The following MAST4 variants were observed in gnomAD, a reference collection of about 807,000 sequenced individuals.
MAST4 encodes the protein microtubule associated serine/threonine kinase family member 4.
MAST4 carries 89 observed loss-of-function variants against 162.7 expected under a neutral mutation model. The observed-to-expected ratio is 0.55, with a 90% confidence interval of 0.46 to 0.65. The LOEUF (loss-of-function observed/expected upper bound fraction) is 0.65. Ranked by LOEUF, MAST4 falls within the 30% of genes least tolerant of loss-of-function variation. The pLI, the probability that MAST4 is intolerant of heterozygous loss-of-function variation, is 0.00. For missense variants in MAST4, 3,153 were observed against 3,374.0 expected (o/e 0.93, Z 1.62); for synonymous variants, 1,479 against 1,361.1 (o/e 1.09, Z -1.91).
intron 1 of MAST4, among the ~76,000 whole-genome samples, chr5:66,758,429 T>C (rs187319709): frequency 6.6e-6 from 1 of 151,996 alleles, no homozygotes; most frequent in African/African-American, 2.4e-5. Flanking sequence ...TTTTTATTTA[T>C]TTTTTGAGAT....
chr5:66,864,866 T>C (rs1417270511), intron 3 of MAST4, among the ~76,000 whole-genome samples: 1 of 152,186 alleles, frequency 6.6e-6, no homozygotes, highest in Admixed American at 6.5e-5. Context: ...TGATACTGTG[T>C]TACAGCAGCC....
At chr5:67,107,772 T>C (rs1765760271) in intron 10 of MAST4, among the ~76,000 whole-genome samples, 1 of 152,228 alleles carries the variant, frequency 6.6e-6, no homozygotes, top group South Asian at 2.1e-4. Context: ...CTAAGACAAT[T>C]CCAGATGAAT....
chr5:66,630,605 T>G (rs1338437102), intron 1 of MAST4, among the ~76,000 whole-genome samples: 1 of 152,180 alleles, frequency 6.6e-6, no homozygotes, highest in Non-Finnish European at 1.5e-5. Flanking sequence ...ATTATATATA[T>G]TATTTTCTCT....
intron 4 of MAST4, among the ~76,000 whole-genome samples, chr5:66,917,586 TTC>T (rs1381432146): frequency 9.7e-6 from 1 of 103,528 alleles, no homozygotes; most frequent in Non-Finnish European, 1.9e-5. Flanking sequence ...TGAGGTAGGA[TTC>T]TCTTTCTTTT....
intron 4 of MAST4, among the ~76,000 whole-genome samples, chr5:66,951,676 A>G (rs1182219862): frequency 2.1e-5 from 3 of 146,288 alleles, no homozygotes; most frequent in African/African-American, 5.0e-5. Context: ...TGATGAACCA[A>G]TGATAATGTT....
chr5:67,104,313 T>G (rs1765357401), intron 9 of MAST4, 53 bp from the exon 10 acceptor site: 2 of 1,338,882 alleles, frequency 1.5e-6, no homozygotes, highest in African/African-American at 1.4e-5. Flanking sequence ...TTGAATTGTT[T>G]ACATGTGTGT....
chr5:67,050,865 G>A (rs931393969), intron 4 of MAST4, among the ~76,000 whole-genome samples: 2 of 152,202 alleles, frequency 1.3e-5, no homozygotes, highest in African/African-American at 2.4e-5. Context: ...AGGGTACTTT[G>A]TGGGAAGTGG....
intron 3 of MAST4, among the ~76,000 whole-genome samples, chr5:66,812,331 T>C (rs1346300531): frequency 6.6e-6 from 1 of 152,222 alleles, no homozygotes; most frequent in Non-Finnish European, 1.5e-5. Flanking sequence ...CAAAAAGCCT[T>C]TGTATTTCTT....
chr5:67,022,333 C>T (rs114994432), intron 4 of MAST4, among the ~76,000 whole-genome samples: 3,688 of 151,962 alleles, frequency 0.024, 70 homozygotes, highest in Admixed American at 0.054. Flanking sequence ...ACTTGAGGTG[C>T]CTTCCAAGTT....
chr5:66,687,083 TTTG>T (rs1580196103), intron 1 of MAST4, among the ~76,000 whole-genome samples: 1 of 152,328 alleles, frequency 6.6e-6, no homozygotes, highest in East Asian at 1.9e-4. Flanking sequence ...GCAGCTTTTT[TTTG>T]TTGTTATTTT....
intron 2 of MAST4, among the ~76,000 whole-genome samples, chr5:66,782,875 A>G (rs1580439761): frequency 1.3e-5 from 2 of 152,222 alleles, no homozygotes; most frequent in Non-Finnish European, 2.9e-5. Flanking sequence ...TGATGCATGA[A>G]TACGACAGCA....
chr5:67,060,474 A>C (rs1193090308), intron 5 of MAST4, among the ~76,000 whole-genome samples: 1 of 131,586 alleles, frequency 7.6e-6, no homozygotes, highest in East Asian at 2.0e-4. Context: ...GGAGTATCAC[A>C]ATTTTTTTTT....
At chr5:67,052,588 TTAAGTA>T (rs1758324108) in intron 4 of MAST4, among the ~76,000 whole-genome samples, 1 of 152,110 alleles carries the variant, frequency 6.6e-6, no homozygotes, top group Non-Finnish European at 1.5e-5. Context: ...AAATTTAGTT[TTAAGTA>T]TATCAGCATA....
At chr5:66,933,512 A>G (rs930622287) in intron 4 of MAST4, among the ~76,000 whole-genome samples, 1 of 152,140 alleles carries the variant, frequency 6.6e-6, no homozygotes, top group African/African-American at 2.4e-5. Context: ...GGGTATTCTT[A>G]TCCTGGAATC....
At chr5:66,886,066 A>G (rs1762020012) in intron 3 of MAST4, among the ~76,000 whole-genome samples, 1 of 152,194 alleles carries the variant, frequency 6.6e-6, no homozygotes, top group Non-Finnish European at 1.5e-5. Context: ...GGCCGTATGG[A>G]AAGTCGAGGC....
intron 4 of MAST4, among the ~76,000 whole-genome samples, chr5:66,919,900 CCTTCCTTCCTTCCTTCCTTCCTT>C (rs1764386141): frequency 5.1e-3 from 13 of 2,546 alleles, no homozygotes; most frequent in Admixed American, 6.7e-3. Context: ...TTTTCTCTCT[CCTTCCTTCCTTCCTTCCTTCCTT>C]CCTTCCTTCC....
At chr5:66,997,747 T>A (rs186209109) in intron 4 of MAST4, among the ~76,000 whole-genome samples, 1 of 152,344 alleles carries the variant, frequency 6.6e-6, no homozygotes, top group African/African-American at 2.4e-5. Flanking sequence ...TTTAATTACA[T>A]TTTATGATAA....
Position 66,666,311 on chromosome 5 carries a change from G to C in MAST4, c.363+69293G>C, listed in dbSNP as rs539378297. Reference sequence around the variant, plus strand: ...CAGACCGCTCTCTGATGGTAATGATGTTTATCCCTCCAGACTTCCAGTCAG... The same window carrying C: ...CAGACCGCTCTCTGATGGTAATGATCTTTATCCCTCCAGACTTCCAGTCAG... On this transcript the variant is annotated intron_variant, in intron 1 of 28. Coordinates refer to ENST00000403625, the MANE Select transcript of MAST4 (RefSeq NM_001164664.2). Among the ~76,000 whole-genome samples, 5 of 152,310 alleles carry C rather than the reference G, an allele frequency of 3.3e-5. 1 individual carries two copies. The East Asian group carries it at 9.7e-4, about 29-fold the overall frequency.
intron 1 of MAST4, among the ~76,000 whole-genome samples, chr5:66,745,123 T>G (rs1242096904): frequency 6.6e-6 from 1 of 152,186 alleles, no homozygotes; most frequent in East Asian, 1.9e-4. Flanking sequence ...ATTTTATAGA[T>G]GAAATTAAAA....
Sources: gnomAD v4.1 joint callset for allele counts (sites outside exome capture counted in the v4.1 genomes callset) on GRCh38, gnomAD v4.1.1 for gene constraint, MANE v1.5 for transcripts, NCBI Gene and HGNC (gene_info 2026-07-23, HGNC 2026-07-21) for gene names.